The following CNTNAP5 variants were observed in gnomAD, a reference collection of about 807,000 sequenced individuals.
CNTNAP5 encodes the protein contactin associated protein family member 5.
CNTNAP5 carries 72 observed loss-of-function variants against 150.2 expected under a neutral mutation model. That is an observed-to-expected ratio of 0.48 (90% CI 0.40 to 0.58). The LOEUF (loss-of-function observed/expected upper bound fraction) is 0.58, where lower values mean the gene tolerates loss of function less well. Among genes scored for constraint, CNTNAP5 ranks in the 20% least tolerant of loss-of-function variants. The probability of loss-of-function intolerance (pLI) is 0.00; values close to 1 mark genes in which losing one functional copy is unlikely to be tolerated. For synonymous variants in CNTNAP5, 672 were observed against 619.8 expected, an observed-to-expected ratio of 1.08 and a Z score of -1.25; for missense variants, 1,636 against 1,626.2, an observed-to-expected ratio of 1.01 and a Z score of -0.10.
At position 124,388,824 on chromosome 2, in the gene CNTNAP5, G is replaced by A. The variant is rs6715600; in HGVS notation, c.382-28619G>A. On this transcript the variant is annotated intron_variant, in intron 3 of 23. Coordinates refer to ENST00000682447, the MANE Select transcript of CNTNAP5 (RefSeq NM_001367498.1). ...GCCTCCCGAGTAGCTGGGATTGTGGGTGCCCATTGTCATGCCCGGCTAATT... is the reference window on the plus strand; with the variant it reads ...GCCTCCCGAGTAGCTGGGATTGTGGATGCCCATTGTCATGCCCGGCTAATT... Among the ~76,000 whole-genome samples, 5 of 151,968 alleles carry A rather than the reference G, an allele frequency of 3.3e-5. No individual in the cohort carries two copies. In the South Asian group the frequency reaches 1.0e-3, roughly 32 times the overall value.
intron 13 of CNTNAP5, among the ~76,000 whole-genome samples, chr2:124,704,408 A>C (rs1047293098): frequency 6.6e-6 from 1 of 152,210 alleles, no homozygotes; most frequent in African/African-American, 2.4e-5. Flanking sequence ...GTGTTTGGAC[A>C]TAAGGTGTGA....
intron 13 of CNTNAP5, among the ~76,000 whole-genome samples, chr2:124,717,505 C>A (rs1243118817): frequency 1.3e-5 from 2 of 152,274 alleles, no homozygotes; most frequent in African/African-American, 4.8e-5. Context: ...CATCAGTGTT[C>A]CCCCAAACCC....
chr2:124,084,214 T>C (rs1558749423), intron 1 of CNTNAP5, among the ~76,000 whole-genome samples: 1 of 152,138 alleles, frequency 6.6e-6, no homozygotes, highest in African/African-American at 2.4e-5. Flanking sequence ...TATTTTTATC[T>C]TGAATTCTGC....
At chr2:124,056,958 A>T (rs1023540338) in intron 1 of CNTNAP5, among the ~76,000 whole-genome samples, 1 of 152,094 alleles carries the variant, frequency 6.6e-6, no homozygotes, top group Admixed American at 6.5e-5. Flanking sequence ...ATGTTCTCCA[A>T]AATTCAGTTG....
chr2:124,785,403 T>C (rs1681546335), intron 17 of CNTNAP5, among the ~76,000 whole-genome samples: 1 of 152,176 alleles, frequency 6.6e-6, no homozygotes, highest in Admixed American at 6.6e-5. Flanking sequence ...TTTAGAAGTA[T>C]TTTTTGTGTT....
chr2:124,663,026 G>A (rs1461085479), intron 13 of CNTNAP5, among the ~76,000 whole-genome samples: 1 of 152,142 alleles, frequency 6.6e-6, no homozygotes, highest in Non-Finnish European at 1.5e-5. Context: ...TCAGTTCCTA[G>A]TACACACAAA....
intron 19 of CNTNAP5, among the ~76,000 whole-genome samples, chr2:124,811,213 A>C (rs1042380090): frequency 1.3e-5 from 2 of 152,156 alleles, no homozygotes; most frequent in Non-Finnish European, 2.9e-5. Context: ...GGGTGGGCAA[A>C]AGATTATATC....
intron 22 of CNTNAP5, among the ~76,000 whole-genome samples, chr2:124,910,838 G>A (rs149729057): frequency 6.6e-6 from 1 of 151,830 alleles, no homozygotes; most frequent in Non-Finnish European, 1.5e-5. Context: ...CACACATATA[G>A]GTATTACTAC....
chr2:124,394,165 A>G (rs948007291), intron 3 of CNTNAP5, among the ~76,000 whole-genome samples: 2 of 152,116 alleles, frequency 1.3e-5, no homozygotes, highest in Non-Finnish European at 1.5e-5. Context: ...TGAGGTCAGG[A>G]GTTCAAGACT....
intron 1 of CNTNAP5, among the ~76,000 whole-genome samples, chr2:124,047,179 A>C (rs1280406620): frequency 1.3e-5 from 2 of 152,194 alleles, no homozygotes; most frequent in Admixed American, 1.3e-4. Context: ...TTAGTGCCTT[A>C]ATCTTCATAA....
At chr2:124,199,870 A>G (rs1354050132) in intron 1 of CNTNAP5, among the ~76,000 whole-genome samples, 1 of 152,184 alleles carries the variant, frequency 6.6e-6, no homozygotes, top group Non-Finnish European at 1.5e-5. Context: ...CATAATCTCT[A>G]TGTAGATTGT....
At chr2:124,389,633 T>C (rs928937014) in intron 3 of CNTNAP5, among the ~76,000 whole-genome samples, 3 of 152,058 alleles carry the variant, frequency 2.0e-5, no homozygotes, top group African/African-American at 7.2e-5. Flanking sequence ...GAGATGCAAG[T>C]AAATAAAAGA....
At chr2:124,509,355 G>A (rs6752953) in intron 8 of CNTNAP5, among the ~76,000 whole-genome samples, 81,162 of 151,932 alleles carry the variant, frequency 0.53, 21,976 homozygotes, top group East Asian at 0.64. Context: ...ATTTTTCTTT[G>A]TTTTCTATTT....
chr2:124,510,518 T>TATATATATACATACACACACAC (rs10641959), intron 8 of CNTNAP5, among the ~76,000 whole-genome samples: 1 of 124,904 alleles, frequency 8.0e-6, no homozygotes, highest in South Asian at 2.6e-4. Context: ...TATATATATA[T>TATATATATACATACACACACAC]ACATATATCT....
rs568387938 is a variant in CNTNAP5, at chr2:124,083,673, C to T, written c.82+57941C>T. The stretch of plus-strand genomic sequence containing the variant: ...CTTTTTCATTGATTTATGTGTCCCT[C>T]TTTCTACCACGTTCACAGTCTTGAT... On this transcript the variant is annotated intron_variant, in intron 1 of 23. Transcript: ENST00000682447. Among the ~76,000 whole-genome samples, 5 of 152,138 alleles carry T rather than the reference C, an allele frequency of 3.3e-5. No individual in the cohort carries two copies. In the South Asian group the frequency reaches 6.2e-4, roughly 19 times the overall value.
chr2:124,054,192 C>T (rs993762863), intron 1 of CNTNAP5, among the ~76,000 whole-genome samples: 30 of 151,954 alleles, frequency 2.0e-4, no homozygotes, highest in African/African-American at 6.8e-4. Context: ...TGTTCTTTGC[C>T]CTCTTCTGAG....
chr2:124,515,045 G>A (rs890156771), intron 8 of CNTNAP5, among the ~76,000 whole-genome samples: 6 of 152,172 alleles, frequency 3.9e-5, no homozygotes, highest in South Asian at 2.1e-4. Context: ...AGACCCTAGC[G>A]GATGGCAAAG....
At chr2:124,099,399 A>C (rs1683013307) in intron 1 of CNTNAP5, among the ~76,000 whole-genome samples, 1 of 152,134 alleles carries the variant, frequency 6.6e-6, no homozygotes, top group Admixed American at 6.5e-5. Context: ...ACATTCACCA[A>C]GTATTGAAAT....
At chr2:124,844,439 G>A (rs1683005185) in intron 19 of CNTNAP5, among the ~76,000 whole-genome samples, 1 of 152,082 alleles carries the variant, frequency 6.6e-6, no homozygotes, top group South Asian at 2.1e-4. Context: ...TTTAAGTCAG[G>A]TAATGCGATG....
Sources: gnomAD v4.1 joint callset for allele counts (sites outside exome capture counted in the v4.1 genomes callset) on GRCh38, gnomAD v4.1.1 for gene constraint, MANE v1.5 for transcripts, NCBI Gene and HGNC (gene_info 2026-07-23, HGNC 2026-07-21) for gene names.